Variants in PTPRD observed in about 807,000 individuals in gnomAD.
PTPRD encodes protein tyrosine phosphatase receptor type D.
Under a neutral mutation model 214.5 loss-of-function variants are expected in PTPRD, and 34 were observed. The ratio of observed to expected loss-of-function variants is 0.16; its 90% CI spans 0.12 to 0.21. The LOEUF (loss-of-function observed/expected upper bound fraction) is 0.21, where lower values mean the gene tolerates loss of function less well. Among genes scored for constraint, PTPRD ranks in the 10% least tolerant of loss-of-function variants. The probability of loss-of-function intolerance (pLI) is 1.00; values close to 1 mark genes in which losing one functional copy is unlikely to be tolerated. For missense variants in PTPRD, 2,545 were observed against 2,398.7 expected (o/e 1.06, Z -1.27); for synonymous variants, 1,128 against 845.7 (o/e 1.33, Z -5.79).
chr9:10,426,540 C>T (rs1004742830), intron 2 of PTPRD, among the ~76,000 whole-genome samples: 4 of 151,986 alleles, frequency 2.6e-5, no homozygotes, highest in Non-Finnish European at 5.9e-5. Flanking sequence ...GGTCCATATT[C>T]ACCTCATTTC....
chr9:10,402,186 A>G (rs2098280192), intron 2 of PTPRD, among the ~76,000 whole-genome samples: 1 of 151,794 alleles, frequency 6.6e-6, no homozygotes, highest in South Asian at 2.1e-4. Flanking sequence ...ATACTTAAAT[A>G]TTATTTAGAT....
chr9:10,050,911 T>C lies in PTPRD; in HGVS notation c.-544-17121A>G, dbSNP rs533510886. Reference sequence around the variant, plus strand: ...TACATAAAATCAAATGTTGATTCACTTTCCTGTTTAAACATTGTGAAAAGG... The same window carrying C: ...TACATAAAATCAAATGTTGATTCACCTTCCTGTTTAAACATTGTGAAAAGG... On this transcript the variant is annotated intron_variant, in intron 3 of 45. Coordinates refer to ENST00000381196, the MANE Select transcript of PTPRD (RefSeq NM_002839.4). Among the ~76,000 whole-genome samples, 33 of 152,278 alleles carry C rather than the reference T, an allele frequency of 2.2e-4. 1 individual carries two copies. Among genetic ancestry groups the C allele is most frequent in the Non-Finnish European group, 4.9e-4 (33 of 68,006 alleles).
chr9:9,282,944 T>C (rs536411574), intron 9 of PTPRD, among the ~76,000 whole-genome samples: 4 of 151,606 alleles, frequency 2.6e-5, no homozygotes, highest in African/African-American at 9.6e-5. Context: ...CACTATTCTA[T>C]TCCAAATCTA....
rs993703712 is a variant in PTPRD, at chr9:9,302,419, G to A, written c.-203+95030C>T. ...TTTTTACCCTTCTCCAGCTGCATAT[G>A]CAAAACCACGTGTGAAAGTGGATGA... On this transcript the variant is annotated intron_variant, in intron 9 of 45. Coordinates refer to ENST00000381196, the MANE Select transcript of PTPRD (RefSeq NM_002839.4). Among the ~76,000 whole-genome samples the A allele has an allele frequency of 2.6e-5, 4 of 151,782 alleles. No individual in the cohort carries two copies. In the South Asian group the frequency reaches 8.3e-4, roughly 32 times the overall value.
intron 5 of PTPRD, among the ~76,000 whole-genome samples, chr9:9,852,743 A>C (rs1466587480): frequency 6.6e-6 from 1 of 152,192 alleles, no homozygotes; most frequent in Admixed American, 6.6e-5. Flanking sequence ...ATGCTAGCAG[A>C]GGCAAGATTT....
intron 2 of PTPRD, among the ~76,000 whole-genome samples, chr9:10,595,816 T>C (rs2076511994): frequency 6.6e-6 from 1 of 151,614 alleles, no homozygotes; most frequent in Admixed American, 6.6e-5. Flanking sequence ...TATATCAGAG[T>C]ACTTTTTCCC....
chr9:10,360,270 C>T (rs1186324705), intron 2 of PTPRD, among the ~76,000 whole-genome samples: 2 of 152,202 alleles, frequency 1.3e-5, no homozygotes, highest in East Asian at 3.8e-4. Context: ...TTTGCCTATG[C>T]AACACAATGT....
intron 3 of PTPRD, among the ~76,000 whole-genome samples, chr9:10,150,141 G>T (rs529587459): frequency 6.6e-6 from 1 of 152,054 alleles, no homozygotes; most frequent in African/African-American, 2.4e-5. Context: ...CAGAAATTCC[G>T]AATATTTATG....
intron 7 of PTPRD, among the ~76,000 whole-genome samples, chr9:9,652,024 G>C (rs1316730974): frequency 1.3e-5 from 2 of 151,344 alleles, no homozygotes; most frequent in Non-Finnish European, 2.9e-5. Context: ...TGTATTTTTA[G>C]TAGAGACAGG....
At chr9:9,100,519 T>A (rs1167916973) in intron 10 of PTPRD, among the ~76,000 whole-genome samples, 1 of 152,186 alleles carries the variant, frequency 6.6e-6, no homozygotes, top group Non-Finnish European at 1.5e-5. Flanking sequence ...AGAAGACAAT[T>A]CTGTTGGTAT....
intron 3 of PTPRD, among the ~76,000 whole-genome samples, chr9:10,085,604 G>C (rs1186142824): frequency 6.9e-6 from 1 of 145,176 alleles, no homozygotes; most frequent in African/African-American, 2.8e-5. Flanking sequence ...ATGAGACACA[G>C]AGAAGAAAAG....
intron 10 of PTPRD, among the ~76,000 whole-genome samples, chr9:9,134,807 G>A (rs113219906): frequency 2.2e-4 from 30 of 138,372 alleles, no homozygotes; most frequent in African/African-American, 8.6e-4. Flanking sequence ...TTTGGAGTGC[G>A]TGTGTGTGTG....
chr9:9,495,153 A>G (rs1308754897), intron 8 of PTPRD, among the ~76,000 whole-genome samples: 2 of 152,074 alleles, frequency 1.3e-5, no homozygotes, highest in African/African-American at 4.8e-5. Context: ...TTCATTATAC[A>G]CATAACTTAC....
At position 8,797,248 on chromosome 9, in the gene PTPRD, C is replaced by G. The variant is rs554880051; in HGVS notation, c.-103-63302G>C. 2.6e-5 allele frequency: 4 copies of G among 152,264 alleles called. No individual in the cohort carries two copies. In the East Asian group the frequency reaches 7.7e-4, roughly 29 times the overall value. The allele number at this position is 152,264 out of a possible 1,614,324, so 9.4% of individuals were successfully genotyped here. A position where few individuals can be genotyped will look rare whatever the true frequency, so the allele number is the denominator to read the frequency against. On this transcript the variant is annotated intron_variant, in intron 11 of 45. Coordinates refer to ENST00000381196, the MANE Select transcript of PTPRD (RefSeq NM_002839.4). The stretch of plus-strand genomic sequence containing the variant: ...ATTCAAGCTACAAATGAACGTAAAT[C>G]CTAATACGATTGCCTTATGGCCAAG...
intron 35 of PTPRD, among the ~76,000 whole-genome samples, chr9:8,411,364 C>T (rs112291234): frequency 0.01 from 1,553 of 151,956 alleles, 12 homozygotes; most frequent in Non-Finnish European, 0.017. Flanking sequence ...AGTGCAATGG[C>T]GTGATCTTGG....
chr9:10,223,630 A>G (rs1445593719), intron 3 of PTPRD, among the ~76,000 whole-genome samples: 1 of 150,466 alleles, frequency 6.6e-6, no homozygotes, highest in African/African-American at 2.4e-5. Context: ...CAATCATGCC[A>G]CTGCACTCCA....
At chr9:10,339,470 C>T (rs549953099) in intron 3 of PTPRD, among the ~76,000 whole-genome samples, 10 of 151,764 alleles carry the variant, frequency 6.6e-5, no homozygotes, top group African/African-American at 2.2e-4. Flanking sequence ...CATTTTCACT[C>T]TGAAAGACTT....
At chr9:8,627,286 C>A (rs1269005472) in intron 14 of PTPRD, among the ~76,000 whole-genome samples, 1 of 151,752 alleles carries the variant, frequency 6.6e-6, no homozygotes, top group Non-Finnish European at 1.5e-5. Context: ...ACACGTACTG[C>A]AGCAGGGATC....
At chr9:9,957,223 C>T (rs1303148512) in intron 4 of PTPRD, among the ~76,000 whole-genome samples, 3 of 152,136 alleles carry the variant, frequency 2.0e-5, no homozygotes, top group Admixed American at 6.5e-5. Flanking sequence ...GGAACATTAA[C>T]AGAGGCAAAG....
Sources: gnomAD v4.1 joint callset for allele counts (sites outside exome capture counted in the v4.1 genomes callset) on GRCh38, gnomAD v4.1.1 for gene constraint, MANE v1.5 for transcripts, NCBI Gene and HGNC (gene_info 2026-07-23, HGNC 2026-07-21) for gene names.